GPATCH2: variants seen among roughly 807,000 people sequenced by gnomAD.
GPATCH2 encodes G patch domain-containing protein 2.
GPATCH2 carries 51 observed loss-of-function variants against 58.0 expected under a neutral mutation model. The observed-to-expected ratio is 0.88, with a 90% CI of 0.70 to 1.11. GPATCH2 has a LOEUF of 1.11. Among genes scored for constraint, GPATCH2 ranks in the 50% most tolerant of loss-of-function variants. GPATCH2 has a pLI of 0.00. For synonymous variants in GPATCH2, 222 were observed against 218.5 expected (o/e 1.02, Z -0.14); for missense variants, 625 against 652.2 (o/e 0.96, Z 0.45).
At chr1:217,628,930 T>TG (rs910727538) in intron 1 of GPATCH2, among the ~76,000 whole-genome samples, 1 of 151,990 alleles carries the variant, frequency 6.6e-6, no homozygotes, top group Non-Finnish European at 1.5e-5. Flanking sequence ...TTAAGAATTT[T>TG]GGGGGGGTAT....
intron 8 of GPATCH2, among the ~76,000 whole-genome samples, chr1:217,453,430 C>G (rs375409644): frequency 6.6e-6 from 1 of 152,142 alleles, no homozygotes; most frequent in Non-Finnish European, 1.5e-5. Context: ...ATTTTTGTTA[C>G]GGGTCTGTCA....
chr1:217,538,048 C>T (rs1664561257), intron 5 of GPATCH2, among the ~76,000 whole-genome samples: 1 of 152,024 alleles, frequency 6.6e-6, no homozygotes, highest in South Asian at 2.1e-4. Flanking sequence ...ACCTTTCCAT[C>T]AAAAAACAAA....
chr1:217,589,048 A>G (rs932221308), intron 5 of GPATCH2, among the ~76,000 whole-genome samples: 9 of 152,220 alleles, frequency 5.9e-5, no homozygotes, highest in African/African-American at 2.2e-4. Context: ...GACAGCAGAA[A>G]GAGGTGAAAA....
At chr1:217,457,422 A>T (rs1288929550) in intron 8 of GPATCH2, among the ~76,000 whole-genome samples, 2 of 152,254 alleles carry the variant, frequency 1.3e-5, no homozygotes, top group Non-Finnish European at 2.9e-5. Flanking sequence ...GAAATCATTT[A>T]TGTAAAACAT....
chr1:217,562,946 A>C (rs991819034), intron 5 of GPATCH2, among the ~76,000 whole-genome samples: 2 of 152,164 alleles, frequency 1.3e-5, no homozygotes, highest in Non-Finnish European at 2.9e-5. Context: ...GCAACACACT[A>C]TTTTTGTTCT....
Position 217,610,938 on chromosome 1 carries a change from T to C in GPATCH2, c.969A>G (p.Glu323=). ...GGGGAAAAGAACCAGTTAAGATACT[T>C]TCAAAGACAGGATCTGGTACATTTT... ...LDKNVPDPVF[E]SILTGSFPLM... Residue 323 remains glutamate, a synonymous_variant, in exon 4 of 10, where the codon GAA becomes GAG. Transcript: ENST00000366935. 6.2e-7 allele frequency: 1 copy of C among 1,613,506 alleles called. No individual in the cohort carries two copies.
intron 6 of GPATCH2, among the ~76,000 whole-genome samples, chr1:217,507,885 G>T (rs937296142): frequency 5.3e-5 from 8 of 151,776 alleles, no homozygotes; most frequent in Admixed American, 5.3e-4. Context: ...TATAAAATGG[G>T]GTCTAATACC....
At chr1:217,487,976 G>A (rs528698923) in intron 8 of GPATCH2, among the ~76,000 whole-genome samples, 24 of 152,086 alleles carry the variant, frequency 1.6e-4, no homozygotes, top group African/African-American at 2.4e-4. Flanking sequence ...TCCTGACCTC[G>A]TGATCCACCC....
chr1:217,563,260 A>C (rs545587133), intron 5 of GPATCH2, among the ~76,000 whole-genome samples: 1 of 152,304 alleles, frequency 6.6e-6, no homozygotes, highest in African/African-American at 2.4e-5. Flanking sequence ...TGAAGTAATG[A>C]ATTGCATCTA....
At chr1:217,473,455 T>C (rs1660827626) in intron 8 of GPATCH2, among the ~76,000 whole-genome samples, 1 of 152,166 alleles carries the variant, frequency 6.6e-6, no homozygotes, top group East Asian at 1.9e-4. Context: ...TATGTATTTA[T>C]TTATGAAAAG....
At chr1:217,606,123 G>C (rs1430561350) in intron 5 of GPATCH2, among the ~76,000 whole-genome samples, 1 of 151,636 alleles carries the variant, frequency 6.6e-6, no homozygotes, top group African/African-American at 2.4e-5. Flanking sequence ...AATCAGATAG[G>C]TTAAATAGAT....
At chr1:217,456,398 C>T (rs954533918) in intron 8 of GPATCH2, among the ~76,000 whole-genome samples, 1 of 152,170 alleles carries the variant, frequency 6.6e-6, no homozygotes, top group African/African-American at 2.4e-5. Context: ...CCTGTCACAC[C>T]TCCTGCGAGG....
chr1:217,615,152 G>C (rs796645404), intron 2 of GPATCH2, among the ~76,000 whole-genome samples: 1 of 151,522 alleles, frequency 6.6e-6, no homozygotes, highest in Non-Finnish European at 1.5e-5. Context: ...TTTTAATAAG[G>C]CATCCTAACT....
At chr1:217,543,037 G>A (rs961549155) in intron 5 of GPATCH2, among the ~76,000 whole-genome samples, 5 of 152,164 alleles carry the variant, frequency 3.3e-5, no homozygotes, top group Non-Finnish European at 7.3e-5. Flanking sequence ...CACCTGCCAT[G>A]AGCCAGGCAC....
intron 8 of GPATCH2, among the ~76,000 whole-genome samples, chr1:217,452,455 A>G (rs1659710879): frequency 6.6e-6 from 1 of 152,190 alleles, no homozygotes; most frequent in Non-Finnish European, 1.5e-5. Flanking sequence ...CTGATATTAG[A>G]TGCTCACTGT....
chr1:217,627,322 C>A (rs1195955900), intron 1 of GPATCH2, among the ~76,000 whole-genome samples: 1 of 151,876 alleles, frequency 6.6e-6, no homozygotes, highest in Admixed American at 6.6e-5. Context: ...AGTTAAAGGC[C>A]TTCAATCTTT....
chr1:217,532,236 T>C (rs1053006867), intron 5 of GPATCH2, among the ~76,000 whole-genome samples: 1 of 152,194 alleles, frequency 6.6e-6, no homozygotes, highest in East Asian at 1.9e-4. Context: ...CAAACGATGA[T>C]TGAGCACTTC....
At chr1:217,560,189 G>C (rs75112540) in intron 5 of GPATCH2, among the ~76,000 whole-genome samples, 4,180 of 152,148 alleles carry the variant, frequency 0.027, 205 homozygotes, top group African/African-American at 0.094. Flanking sequence ...CTGGTTACTC[G>C]TGTTTGTTTT....
intron 9 of GPATCH2, among the ~76,000 whole-genome samples, chr1:217,441,237 G>C (rs895473121): frequency 6.6e-6 from 1 of 152,042 alleles, no homozygotes; most frequent in Non-Finnish European, 1.5e-5. Flanking sequence ...ACAAACCTGA[G>C]AAAAACAAGC....
Sources: allele counts gnomAD v4.1 joint callset (sites outside exome capture counted in the v4.1 genomes callset), GRCh38; gene constraint gnomAD v4.1.1; transcripts MANE v1.5; gene names NCBI Gene and HGNC (gene_info 2026-07-23, HGNC 2026-07-21).